The following RHOBTB1 variants were observed in gnomAD, a reference collection of about 807,000 sequenced individuals.
RHOBTB1 encodes the protein rho-related BTB domain-containing protein 1.
RHOBTB1 carries 40 observed loss-of-function variants against 71.6 expected under a neutral mutation model. The ratio of observed to expected loss-of-function variants is 0.56; its 90% CI spans 0.43 to 0.73. RHOBTB1 has a LOEUF of 0.73. Ranked by LOEUF, RHOBTB1 falls within the 30% of genes least tolerant of loss-of-function variation. The probability of loss-of-function intolerance (pLI) is 0.00; values close to 1 mark genes in which losing one functional copy is unlikely to be tolerated. For synonymous variants in RHOBTB1, 319 were observed against 334.9 expected (o/e 0.95, Z 0.52); for missense variants, 797 against 894.0 (o/e 0.89, Z 1.38).
intron 1 of RHOBTB1, among the ~76,000 whole-genome samples, chr10:60,986,894 A>G (rs1161931423): frequency 6.6e-6 from 1 of 152,152 alleles, no homozygotes; most frequent in Admixed American, 6.5e-5. Flanking sequence ...TCTAACAAAG[A>G]CACAAGCAGC....
chr10:60,883,867 G>A (rs2081442740), intron 7 of RHOBTB1, among the ~76,000 whole-genome samples: 1 of 152,188 alleles, frequency 6.6e-6, no homozygotes, highest in South Asian at 2.1e-4. Context: ...ACTTGCCCAA[G>A]TCACTTGTAA....
At chr10:60,864,794 G>T (rs545578062), downstream of RHOBTB1, among the ~76,000 whole-genome samples, 4 of 152,260 alleles carry the variant, frequency 2.6e-5, no homozygotes, top group South Asian at 2.1e-4. Flanking sequence ...CCCAGTTCAA[G>T]TGATTCTCCT....
intron 4 of RHOBTB1, among the ~76,000 whole-genome samples, chr10:60,901,780 G>A (rs919450139): frequency 6.6e-6 from 1 of 152,180 alleles, no homozygotes; most frequent in Non-Finnish European, 1.5e-5. Flanking sequence ...TAGAAAAAAA[G>A]TAAAAGGAAC....
At chr10:60,891,890 G>GT (rs1564830897) in intron 5 of RHOBTB1, among the ~76,000 whole-genome samples, 1 of 152,110 alleles carries the variant, frequency 6.6e-6, no homozygotes, top group East Asian at 1.9e-4. Context: ...TAACTGAATC[G>GT]TGGGGGCGGT....
chr10:60,895,129 T>A (rs1352642855), intron 4 of RHOBTB1, among the ~76,000 whole-genome samples: 2 of 152,174 alleles, frequency 1.3e-5, no homozygotes, highest in Non-Finnish European at 2.9e-5. Flanking sequence ...AACTTCTAAC[T>A]ATGTCACATC....
intron 1 of RHOBTB1, among the ~76,000 whole-genome samples, chr10:61,000,678 TA>T: frequency 6.6e-6 from 1 of 152,282 alleles, no homozygotes; most frequent in Middle Eastern, 3.4e-3. Context: ...CATTTTTTTT[TA>T]ATTCCCAAGT....
chr10:60,928,193 AG>A (rs2084004383), intron 2 of RHOBTB1, among the ~76,000 whole-genome samples: 1 of 152,204 alleles, frequency 6.6e-6, no homozygotes, highest in South Asian at 2.1e-4. Flanking sequence ...ATGTACAGAA[AG>A]GGGAACCCTT....
intron 2 of RHOBTB1, among the ~76,000 whole-genome samples, chr10:60,949,732 C>T (rs1404836950): frequency 7.3e-6 from 1 of 136,782 alleles, no homozygotes; most frequent in African/African-American, 2.7e-5. Context: ...AATACTTAAG[C>T]TAACCTAATG....
Position 60,875,008 on chromosome 10 carries a change from G to A in RHOBTB1, c.1761C>T (p.Ala587=). 1 of 1,614,118 alleles carries A rather than the reference G, an allele frequency of 6.2e-7. No individual in the cohort carries two copies. Residue 587 remains alanine (A), a synonymous_variant, in exon 9 of 11, where the codon GCC becomes GCT. Coordinates refer to ENST00000337910, the MANE Select transcript of RHOBTB1 (RefSeq NM_014836.5). ...QHAVQELTKA[A]TSGVGIDGEV... is the part of the protein sequence containing the mutation. Reference sequence around the variant, plus strand: ...CTCCGTCAATGCCCACGCCACTCGTGGCGGCTTTGGTCAACTCCTGAACGG... The same window carrying A: ...CTCCGTCAATGCCCACGCCACTCGTAGCGGCTTTGGTCAACTCCTGAACGG...
rs111941264 is a variant in RHOBTB1 at position 60,966,949 on chromosome 10, T to A, written c.-62+18896A>T. On this transcript the variant is annotated intron_variant, in intron 2 of 11. Transcript: ENST00000357917. ...CTGCGCCAGGCACTGGGGATACAAG[T>A]GTAAGCACGACAAAGTTCTTGGGGA... 7.1e-3 allele frequency among the ~76,000 whole-genome samples: 1,083 copies of A among 151,758 alleles called. 13 individuals are homozygous for A. The highest frequency in any genetic ancestry group is 0.024 in the African/African-American group (1,014 of 41,396).
chr10:60,947,417 C>G (rs1289023288), upstream of RHOBTB1, among the ~76,000 whole-genome samples: 1 of 152,120 alleles, frequency 6.6e-6, no homozygotes, highest in South Asian at 2.1e-4. Context: ...ATCCCACAAG[C>G]TAGACATAGA....
chr10:60,963,575 G>A (rs1412161076), intron 2 of RHOBTB1, among the ~76,000 whole-genome samples: 1 of 152,148 alleles, frequency 6.6e-6, no homozygotes, highest in Non-Finnish European at 1.5e-5. Context: ...GAAGCTTCCT[G>A]TGGTTAGTCA....
chr10:60,880,839 A>G (rs189386287), intron 7 of RHOBTB1, among the ~76,000 whole-genome samples: 6 of 152,380 alleles, frequency 3.9e-5, no homozygotes, highest in Non-Finnish European at 7.3e-5. Context: ...ATGTTTACAT[A>G]CATATGCATT....
At chr10:60,914,025 A>C (rs115993486) in intron 2 of RHOBTB1, among the ~76,000 whole-genome samples, 2,484 of 152,294 alleles carry the variant, frequency 0.016, 35 homozygotes, top group South Asian at 0.04. Context: ...TTGAGTCAGG[A>C]GGAAGGCCAG....
the RHOBTB1 span, among the ~76,000 whole-genome samples, chr10:60,861,249 G>A: frequency 8.5e-5 from 13 of 152,248 alleles, no homozygotes; most frequent in African/African-American, 2.2e-4. Context: ...ATTGTTTTCC[G>A]TTTATCCTAC....
At chr10:60,991,071 C>T (rs2086847328) in intron 1 of RHOBTB1, among the ~76,000 whole-genome samples, 1 of 152,178 alleles carries the variant, frequency 6.6e-6, no homozygotes, top group Admixed American at 6.5e-5. Flanking sequence ...ATCCATTCAC[C>T]TTTTGGAAGT....
intron 2 of RHOBTB1, among the ~76,000 whole-genome samples, chr10:60,969,416 A>G (rs1261659481): frequency 3.3e-5 from 5 of 152,100 alleles, no homozygotes; most frequent in Non-Finnish European, 2.9e-5. Context: ...TTTGTAAAAC[A>G]TTAAAAATCA....
At chr10:60,969,840 A>C (rs2134651779) in intron 2 of RHOBTB1, among the ~76,000 whole-genome samples, 1 of 152,196 alleles carries the variant, frequency 6.6e-6, no homozygotes, top group South Asian at 2.1e-4. Context: ...GTATTTAAAG[A>C]AATAGAATAA....
chr10:60,970,225 A>T (rs1334914992), intron 2 of RHOBTB1, among the ~76,000 whole-genome samples: 2 of 152,086 alleles, frequency 1.3e-5, no homozygotes, highest in Non-Finnish European at 2.9e-5. Context: ...TGTGGTTACA[A>T]GTCTATTCCA....
Sources: allele counts gnomAD v4.1 joint callset (sites outside exome capture counted in the v4.1 genomes callset), GRCh38; gene constraint gnomAD v4.1.1; transcripts MANE v1.5; gene names NCBI Gene and HGNC (gene_info 2026-07-23, HGNC 2026-07-21).